Variants in UHRF2 observed in about 807,000 individuals in gnomAD.
UHRF2 encodes the protein E3 ubiquitin-protein ligase UHRF2.
UHRF2 carries 23 observed loss-of-function variants against 96.8 expected under a neutral mutation model. That is an observed-to-expected ratio of 0.24 (90% CI 0.17 to 0.34). The LOEUF (loss-of-function observed/expected upper bound fraction) is 0.34. UHRF2 is among the 10% of genes least tolerant of loss of function. The pLI, the probability that UHRF2 is intolerant of heterozygous loss-of-function variation, is 1.00. For synonymous variants in UHRF2, 385 were observed against 332.6 expected (o/e 1.16, Z -1.72); for missense variants, 685 against 981.5 (o/e 0.70, Z 4.04).
rs1822981986 is a variant in UHRF2, at chr9:6,467,978, C to T, written c.863+7187C>T. ...TTTATTTGAAGGTGTTCCTTAGACACCTCATCACAGTCTTTTTTTCTTACT... is the reference window on the plus strand; with the variant it reads ...TTTATTTGAAGGTGTTCCTTAGACATCTCATCACAGTCTTTTTTTCTTACT... On this transcript the variant is annotated intron_variant, in intron 4 of 15. Coordinates refer to ENST00000276893, the MANE Select transcript of UHRF2 (RefSeq NM_152896.3). Among the ~76,000 whole-genome samples the T allele has an allele frequency of 4.6e-5, 7 of 152,038 alleles. No individual in the cohort carries two copies. In the South Asian group the frequency reaches 1.5e-3, roughly 32 times the overall value.
chr9:6,424,552 G>C (rs1452049271), intron 2 of UHRF2, among the ~76,000 whole-genome samples: 1 of 152,098 alleles, frequency 6.6e-6, no homozygotes, highest in Non-Finnish European at 1.5e-5. Flanking sequence ...AACAGTTTTA[G>C]ATTTGTAGCA....
At chr9:6,485,087 C>T (rs1587861794) in intron 8 of UHRF2, among the ~76,000 whole-genome samples, 1 of 152,222 alleles carries the variant, frequency 6.6e-6, no homozygotes, top group Non-Finnish European at 1.5e-5. Flanking sequence ...GCCACCGTGC[C>T]CAGCCATATT....
At chr9:6,490,473 C>G (rs1429718224) in intron 9 of UHRF2, among the ~76,000 whole-genome samples, 1 of 152,072 alleles carries the variant, frequency 6.6e-6, no homozygotes, top group Non-Finnish European at 1.5e-5. Context: ...ACTAAAAGTA[C>G]AAAAATTACC....
At chr9:6,459,369 G>A (rs1372803531) in intron 3 of UHRF2, among the ~76,000 whole-genome samples, 1 of 152,130 alleles carries the variant, frequency 6.6e-6, no homozygotes, top group Non-Finnish European at 1.5e-5. Flanking sequence ...ATCTAGTCCT[G>A]TTAAAACTTA....
chr9:6,429,990 G>T (rs542098590), intron 2 of UHRF2, among the ~76,000 whole-genome samples: 2 of 152,208 alleles, frequency 1.3e-5, no homozygotes, highest in African/African-American at 2.4e-5. Flanking sequence ...TAGATATTTG[G>T]ACAGGGGAAA....
Position 6,500,568 on chromosome 9 carries a change from C to T in UHRF2, c.2022C>T (p.Ala674=), listed in dbSNP as rs761412581. ...RPISDDDCPS[A]SKVYKASDSA... is the part of the protein sequence containing the mutation. ...TAAATCTAGATGACTGTCCAAGTGC[C>T]TCCAAAGTGTACAAAGCATCAGATT... is the stretch of plus-strand genomic sequence containing the variant. Residue 674 remains alanine, a synonymous_variant, in exon 14 of 16, where the codon GCC becomes GCT. Transcript: ENST00000276893. 7.4e-6 allele frequency: 12 copies of T among 1,612,024 alleles called. No homozygotes were observed. The Admixed American group carries it at 1.7e-4, about 22-fold the overall frequency.
chr9:6,481,622 G>A (rs535843849), intron 6 of UHRF2, 21 bp from the exon 7 acceptor site: 32 of 1,604,056 alleles, frequency 2.0e-5, no homozygotes, highest in South Asian at 6.7e-5. Flanking sequence ...AAATGCCTTC[G>A]TTCTTTTTTT....
intron 3 of UHRF2, chr9:6,449,540 A>T (rs1440342776): frequency 6.6e-6 from 1 of 152,232 alleles, no homozygotes; most frequent in African/African-American, 2.4e-5. Flanking sequence ...ATGGCTTAAA[A>T]AGGATTCTTT....
intron 3 of UHRF2, among the ~76,000 whole-genome samples, chr9:6,446,012 G>T (rs1227768287): frequency 1.5e-5 from 1 of 66,448 alleles, no homozygotes; most frequent in Non-Finnish European, 2.6e-5. Flanking sequence ...CTGTTTTTGA[G>T]ATAGAGTCTC....
intron 3 of UHRF2, among the ~76,000 whole-genome samples, chr9:6,441,525 T>C (rs1008790559): frequency 7.2e-5 from 11 of 152,194 alleles, no homozygotes; most frequent in Non-Finnish European, 1.2e-4. Context: ...TGATGCATAC[T>C]CAAGTTTGAG....
At chr9:6,498,929 A>AGT (rs1206499134) in intron 12 of UHRF2, 1 of 152,232 alleles carries the variant, frequency 6.6e-6, no homozygotes, top group Non-Finnish European at 1.5e-5. Context: ...CAGGCAGGTG[A>AGT]GTGTGTGTCT....
chr9:6,425,921 A>G (rs182832090), intron 2 of UHRF2, among the ~76,000 whole-genome samples: 5 of 152,334 alleles, frequency 3.3e-5, no homozygotes, highest in South Asian at 4.1e-4. Context: ...TTATGTAACT[A>G]TCTGTATATT....
At chr9:6,502,240 C>T (rs1013091964) in intron 14 of UHRF2, among the ~76,000 whole-genome samples, 1 of 152,188 alleles carries the variant, frequency 6.6e-6, no homozygotes, top group East Asian at 1.9e-4. Flanking sequence ...TAAACTGGTA[C>T]TCTTGTGCCC....
chr9:6,457,053 T>A (rs1324482079), intron 3 of UHRF2, among the ~76,000 whole-genome samples: 1 of 152,196 alleles, frequency 6.6e-6, no homozygotes, highest in Non-Finnish European at 1.5e-5. Flanking sequence ...AGAAAGTCAT[T>A]GTCAGTTTGA....
intron 6 of UHRF2, among the ~76,000 whole-genome samples, chr9:6,479,726 TAA>T (rs1198082816): frequency 6.6e-6 from 1 of 152,202 alleles, no homozygotes; most frequent in East Asian, 1.9e-4. Context: ...CAGTCTTCAT[TAA>T]ATAGTACTAA....
At position 6,499,873 on chromosome 9, in the gene UHRF2, G is replaced by A; in HGVS notation, c.1947G>A (p.Lys649=). 1 of 1,610,682 alleles carries A rather than the reference G, an allele frequency of 6.2e-7. No individual in the cohort carries two copies. Among genetic ancestry groups the A allele is most frequent in the South Asian group, 1.1e-5 (1 of 90,934 alleles). The change falls in exon 13 of 16, where the codon AAG becomes AAA. Residue 649 remains lysine (K), a synonymous_variant. Coordinates refer to ENST00000276893, the MANE Select transcript of UHRF2 (RefSeq NM_152896.3). The stretch of plus-strand genomic sequence containing the variant: ...ACCCTTCAGATAAAGAAGGGAAGAA[G>A]CCTAAAGGACAGTCAAAGAAGCAGC... ...AGYPSDKEGK[K]PKGQSKKQPS... is the part of the protein sequence containing the mutation.
chr9:6,500,488 T>C (rs1455869458), intron 13 of UHRF2, 64 bp from the exon 14 acceptor site: 3 of 1,410,062 alleles, frequency 2.1e-6, no homozygotes, highest in East Asian at 2.4e-5. Context: ...GTTAACTCTT[T>C]TGTTTCATAG....
At chr9:6,471,902 G>C (rs1447459176) in intron 4 of UHRF2, among the ~76,000 whole-genome samples, 2 of 152,170 alleles carry the variant, frequency 1.3e-5, no homozygotes, top group Non-Finnish European at 2.9e-5. Flanking sequence ...GGAAAAAGGA[G>C]TCCGGTTAGA....
At chr9:6,466,551 GAA>G (rs34552859) in intron 4 of UHRF2, among the ~76,000 whole-genome samples, 94,929 of 111,024 alleles carry the variant, frequency 0.86, 40,735 homozygotes, top group South Asian at 0.94. Context: ...AAAAAAAAAG[GAA>G]AAAAAAAAAA....
Sources: gnomAD v4.1 joint callset for allele counts (sites outside exome capture counted in the v4.1 genomes callset) on GRCh38, gnomAD v4.1.1 for gene constraint, MANE v1.5 for transcripts, NCBI Gene and HGNC (gene_info 2026-07-23, HGNC 2026-07-21) for gene names.